Variants in NAA16 observed in about 807,000 individuals in gnomAD.
The protein encoded by NAA16 is N-alpha-acetyltransferase 16, NatA auxiliary subunit.
NAA16 carries 97 observed loss-of-function variants against 110.3 expected under a neutral mutation model. The ratio of observed to expected loss-of-function variants is 0.88; its 90% confidence interval spans 0.75 to 1.04. The LOEUF is 1.04. Among genes scored for constraint, NAA16 ranks in the 50% least tolerant of loss-of-function variants. The pLI is 0.00. For synonymous variants in NAA16, 372 were observed against 330.6 expected (o/e 1.13, Z -1.36); for missense variants, 1,017 against 1,005.1 (o/e 1.01, Z -0.16).
chr13:41,376,493 T>C lies in NAA16; in HGVS notation c.*891T>C, dbSNP rs906407746. Reference sequence around the variant, plus strand: ...TTGCCTGTCAGTCATGGAAATTCACTGGTAAAATTGTTGAATATTTCTCTC... The same window carrying C: ...TTGCCTGTCAGTCATGGAAATTCACCGGTAAAATTGTTGAATATTTCTCTC... On this transcript the variant is annotated 3_prime_UTR_variant, in exon 20 of 20. Transcript: ENST00000379406. The C allele has an allele frequency of 6.6e-6, 1 of 152,212 alleles. No homozygotes were observed. Among genetic ancestry groups the C allele is most frequent in the African/African-American group, 2.4e-5 (1 of 41,456 alleles). 9.4% of individuals were successfully genotyped at this position (152,212 alleles called of 1,614,324 possible).
intron 3 of NAA16, among the ~76,000 whole-genome samples, chr13:41,319,247 T>A (rs1327251628): frequency 2.0e-5 from 3 of 152,222 alleles, no homozygotes; most frequent in Non-Finnish European, 4.4e-5. Flanking sequence ...CATTTTTTTC[T>A]TAAACATAAT....
At chr13:41,368,228 AC>A (rs1389924486) in intron 14 of NAA16, among the ~76,000 whole-genome samples, 1 of 152,204 alleles carries the variant, frequency 6.6e-6, no homozygotes, top group Non-Finnish European at 1.5e-5. Flanking sequence ...TTTTTTATTC[AC>A]TAGAATGTTA....
At position 41,323,550 on chromosome 13, in the gene NAA16, C is replaced by G. The variant is rs531626233; in HGVS notation, c.537+360C>G. On this transcript the variant is annotated intron_variant, in intron 5 of 19. Transcript: ENST00000379406. The stretch of plus-strand genomic sequence containing the variant: ...TATTTTTTAAGTAGAGACAGGGTTT[C>G]ACCGTGTTAGCCAGGATGGTCTCGA... Among the ~76,000 whole-genome samples the G allele has an allele frequency of 3.3e-5, 5 of 151,812 alleles. No individual in the cohort carries two copies. In the East Asian group the frequency reaches 9.7e-4, roughly 29 times the overall value.
chr13:41,351,314 G>T (rs2042829237), intron 9 of NAA16, among the ~76,000 whole-genome samples: 1 of 152,070 alleles, frequency 6.6e-6, no homozygotes, highest in African/African-American at 2.4e-5. Flanking sequence ...CATCTCTGTA[G>T]TTACTTTTAT....
intron 5 of NAA16, among the ~76,000 whole-genome samples, chr13:41,324,543 G>GT (rs1355606362): frequency 6.6e-6 from 1 of 151,086 alleles, no homozygotes; most frequent in African/African-American, 2.4e-5. Flanking sequence ...GTCTGGCTAA[G>GT]TTTTGTATTT....
In NAA16 at chr13:41,375,718, T is replaced by C. The variant is rs2043416739; in HGVS notation, c.*116T>C. 1.4e-6 allele frequency: 1 copy of C among 738,864 alleles called. No homozygotes were observed. Among genetic ancestry groups the C allele is most frequent in the Non-Finnish European group, 2.1e-6 (1 of 471,190 alleles). The allele number at this position is 738,864 out of a possible 1,614,324, so 45.8% of individuals were successfully genotyped here. ...GAAATATTTGGTTAGGATTTTTAAA[T>C]GGCATATTCTGTAAGCTTATTTTGT... On this transcript the variant is annotated 3_prime_UTR_variant, in exon 20 of 20. Coordinates refer to ENST00000379406, the MANE Select transcript of NAA16 (RefSeq NM_024561.5).
rs2041988065 is a variant in NAA16, at chr13:41,323,092, C to T, written c.439C>T (p.Gln147Ter). 2 of 1,614,022 alleles carry T rather than the reference C, an allele frequency of 1.2e-6. No individual in the cohort carries two copies. The highest frequency in any genetic ancestry group is 1.3e-5 in the African/African-American group (1 of 74,920). Reference protein sequence around the residue: ...RYQLLQLRPTQRASWIGYAIA... With the variant: ...RYQLLQLRPT ...CCAGCTTCTTCAGTTGCGCCCCACA[C>T]AGCGTGCCTCCTGGATTGGATATGC... Residue 147 changes from glutamine (Q) to a stop codon, truncating the protein, a stop_gained, in exon 5 of 20, where the codon CAG becomes TAG. Coordinates refer to ENST00000379406, the MANE Select transcript of NAA16 (RefSeq NM_024561.5). LOFTEE classifies it high-confidence loss of function.
intron 7 of NAA16, among the ~76,000 whole-genome samples, chr13:41,330,966 A>G (rs1240681169): frequency 6.6e-6 from 1 of 152,060 alleles, no homozygotes; most frequent in Non-Finnish European, 1.5e-5. Context: ...GTTGTATGCT[A>G]AAGGAATATA....
rs773795404 is a variant in NAA16 at position 41,355,214 on chromosome 13, A to G, written c.1085A>G (p.Tyr362Cys). The G allele has an allele frequency of 1.6e-5, 25 of 1,560,826 alleles. No individual in the cohort carries two copies. Among genetic ancestry groups the G allele is most frequent in the Admixed American group, 3.7e-5 (2 of 54,130 alleles). Residue 362 changes from tyrosine to cysteine, a missense_variant and splice_region_variant, in exon 10 of 20, where the codon TAT (tyrosine) becomes TGT (cysteine). By Grantham distance (194) the Tyr-to-Cys change is radical. Transcript: ENST00000379406. ...SLKTCDFFSP[Y>C]ENGEKEPPTT... is the part of the protein sequence containing the mutation. ...AAAACGTGTGACTTTTTTAGCCCAT[A>G]TGGTAAGTTTAAATTAGATTGAATT...
At chr13:41,345,692 C>T (rs138865829) in intron 9 of NAA16, among the ~76,000 whole-genome samples, 2 of 152,244 alleles carry the variant, frequency 1.3e-5, no homozygotes, top group South Asian at 2.1e-4. Context: ...AGGTGATCCT[C>T]CCACCTCCAC....
rs181389528 is a variant in NAA16 at position 41,326,350 on chromosome 13, A to G, written c.691+499A>G. ...CAAAAATTTTCACAGAGCTTTGCTCATTAATTCCCTTTCCCTGAGCAATAA... is the reference window on the plus strand; with the variant it reads ...CAAAAATTTTCACAGAGCTTTGCTCGTTAATTCCCTTTCCCTGAGCAATAA... On this transcript the variant is annotated intron_variant, in intron 6 of 19. Transcript: ENST00000379406. Among the ~76,000 whole-genome samples, 20 of 152,314 alleles carry G rather than the reference A, an allele frequency of 1.3e-4. 1 individual carries two copies. The East Asian group carries it at 1.7e-3, about 13-fold the overall frequency.
At chr13:41,311,976 G>C (rs1417500806) in intron 1 of NAA16, among the ~76,000 whole-genome samples, 1 of 152,228 alleles carries the variant, frequency 6.6e-6, no homozygotes, top group Non-Finnish European at 1.5e-5. Context: ...TCCTCGGCTA[G>C]GTGTTTTGCG....
rs760348955 is a variant in NAA16 at position 41,331,388 on chromosome 13, T to C, written c.907+19T>C. On this transcript the variant is annotated intron_variant, in intron 8 of 19. Coordinates refer to ENST00000379406, the MANE Select transcript of NAA16 (RefSeq NM_024561.5). ...GTCCCAGGTAATATTAAGATGTCTT[T>C]TATAATATTAATTATTTGTCAGAAT... is the stretch of plus-strand genomic sequence containing the variant. 2 of 1,432,016 alleles carry C rather than the reference T, an allele frequency of 1.4e-6. No homozygotes were observed. The highest frequency in any genetic ancestry group is 1.8e-5 in the Admixed American group (1 of 55,098). The allele number at this position is 1,432,016 out of a possible 1,614,324, so 88.7% of individuals were successfully genotyped here.
At chr13:41,345,034 T>C (rs1351700452) in intron 9 of NAA16, among the ~76,000 whole-genome samples, 1 of 152,232 alleles carries the variant, frequency 6.6e-6, no homozygotes, top group Non-Finnish European at 1.5e-5. Flanking sequence ...TTATCCGCAA[T>C]TGTAGCATGA....
In NAA16 at chr13:41,311,287, C is replaced by T; in HGVS notation, c.-242C>T. ...ATCTTGCAGTGCGCGGGAACCGCCG[C>T]CGCCGCCGCTGGCCAAAAAGCGGAG... On this transcript the variant is annotated 5_prime_UTR_variant, in exon 1 of 20. Coordinates refer to ENST00000379406, the MANE Select transcript of NAA16 (RefSeq NM_024561.5). The T allele has an allele frequency of 1.8e-6, 1 of 548,698 alleles. No individual in the cohort carries two copies. Among genetic ancestry groups the T allele is most frequent in the Non-Finnish European group, 3.2e-6 (1 of 314,316 alleles). 34.0% of individuals were successfully genotyped at this position (548,698 alleles called of 1,614,324 possible).
intron 13 of NAA16, among the ~76,000 whole-genome samples, chr13:41,365,226 A>C (rs1225781847): frequency 2.6e-5 from 4 of 151,980 alleles, no homozygotes; most frequent in African/African-American, 7.3e-5. Flanking sequence ...CCCAAGGGGG[A>C]GCTTCTTGGT....
chr13:41,325,670 A>C, intron 5 of NAA16, 28 bp from the exon 6 acceptor site: 1 of 1,475,892 alleles, frequency 6.8e-7, no homozygotes, highest in Non-Finnish European at 9.3e-7. Flanking sequence ...AATTATACAA[A>C]TAAAGTAATT....
intron 9 of NAA16, among the ~76,000 whole-genome samples, chr13:41,348,514 G>A (rs1004848363): frequency 6.6e-6 from 1 of 152,006 alleles, no homozygotes; most frequent in African/African-American, 2.4e-5. Flanking sequence ...GGTCATGGTG[G>A]GTAATTCTTT....
chr13:41,373,598 G>A, intron 17 of NAA16, 39 bp from the exon 18 acceptor site: 3 of 1,524,722 alleles, frequency 2.0e-6, no homozygotes, highest in South Asian at 1.3e-5. Context: ...TCAAAGGACA[G>A]ATCAAAAACA....
Sources: gnomAD v4.1 joint callset for allele counts (sites outside exome capture counted in the v4.1 genomes callset) on GRCh38, gnomAD v4.1.1 for gene constraint, MANE v1.5 for transcripts, NCBI Gene and HGNC (gene_info 2026-07-23, HGNC 2026-07-21) for gene names.